Variants in ARHGAP42 observed in about 807,000 individuals in gnomAD.
ARHGAP42 encodes the protein rho GTPase-activating protein 42.
ARHGAP42 carries 63 observed loss-of-function variants against 125.0 expected under a neutral mutation model. The observed-to-expected ratio is 0.50, with a 90% confidence interval of 0.41 to 0.62. ARHGAP42 has a LOEUF of 0.62. Ranked by LOEUF, ARHGAP42 falls within the 20% of genes least tolerant of loss-of-function variation. The pLI is 0.00. For missense variants in ARHGAP42, 766 were observed against 1,024.2 expected (o/e 0.75, Z 3.44); for synonymous variants, 339 against 351.0 (o/e 0.97, Z 0.38).
intron 1 of ARHGAP42, among the ~76,000 whole-genome samples, chr11:100,719,721 C>CA (rs1318705855): frequency 6.6e-6 from 1 of 152,026 alleles, no homozygotes; most frequent in Non-Finnish European, 1.5e-5. Context: ...AAATGAGCAG[C>CA]AAAAGGATAC....
At chr11:100,969,584 T>C (rs187496010) in intron 17 of ARHGAP42, among the ~76,000 whole-genome samples, 1 of 152,306 alleles carries the variant, frequency 6.6e-6, no homozygotes, top group Non-Finnish European at 1.5e-5. Context: ...ATAGTCTCTA[T>C]TGATACTTTT....
chr11:100,909,222 G>C (rs1157939861), intron 4 of ARHGAP42, among the ~76,000 whole-genome samples: 1 of 151,838 alleles, frequency 6.6e-6, no homozygotes, highest in Non-Finnish European at 1.5e-5. Context: ...CTGTTCAGAA[G>C]CTTTTTAGTT....
chr11:100,929,488 C>G (rs4753987), intron 6 of ARHGAP42, among the ~76,000 whole-genome samples: 134,280 of 152,174 alleles, frequency 0.88, 59,332 homozygotes, highest in East Asian at 1. Flanking sequence ...CACCATCTGA[C>G]GAACTACCAA....
chr11:100,839,514 G>T (rs1204550816), intron 3 of ARHGAP42: 1 of 152,178 alleles, frequency 6.6e-6, no homozygotes, highest in Admixed American at 6.5e-5. Flanking sequence ...GAATAAGTCC[G>T]GAGATGGAGT....
At chr11:100,934,813 T>C (rs1182882696) in intron 7 of ARHGAP42, among the ~76,000 whole-genome samples, 3 of 152,226 alleles carry the variant, frequency 2.0e-5, no homozygotes, top group African/African-American at 7.2e-5. Context: ...ATAAGAAATA[T>C]GTAAGGGGAT....
chr11:100,979,696 T>G lies in ARHGAP42; in HGVS notation c.2456+647T>G, dbSNP rs145698410. 4.5e-3 allele frequency among the ~76,000 whole-genome samples: 472 copies of G among 104,074 alleles called. 1 individual carries two copies. The highest frequency in any genetic ancestry group is 7.1e-3 in the Non-Finnish European group (353 of 49,954). 68.3% of individuals were successfully genotyped at this position (104,074 alleles called of 152,430 possible). On this transcript the variant is annotated intron_variant, in intron 22 of 23. Transcript: ENST00000298815. The stretch of plus-strand genomic sequence containing the variant: ...GGAATTTCATAAAGTCAGAGGCTTT[T>G]CATTATTTTTTTTTTTTACTATCAG...
At chr11:100,936,098 T>G in intron 7 of ARHGAP42, 105 bp from the exon 8 acceptor site, 1 of 1,332,838 alleles carries the variant, frequency 7.5e-7, no homozygotes, top group Non-Finnish European at 1.0e-6. Context: ...GACAGAGTGA[T>G]ACTCTGTCTC....
intron 1 of ARHGAP42, among the ~76,000 whole-genome samples, chr11:100,728,294 TGA>T (rs1861896113): frequency 6.6e-6 from 1 of 152,168 alleles, no homozygotes; most frequent in Non-Finnish European, 1.5e-5. Context: ...GGGGTGGGAT[TGA>T]AGCAGCCTAC....
intron 4 of ARHGAP42, among the ~76,000 whole-genome samples, chr11:100,899,454 C>G (rs1271679776): frequency 6.6e-6 from 1 of 152,074 alleles, no homozygotes; most frequent in Non-Finnish European, 1.5e-5. Context: ...TTAAAATCTC[C>G]CATTATTTTT....
At chr11:100,985,750 A>G (rs1401359215) in intron 22 of ARHGAP42, among the ~76,000 whole-genome samples, 6 of 152,210 alleles carry the variant, frequency 3.9e-5, no homozygotes, top group Admixed American at 2.0e-4. Context: ...ACCTCTGATG[A>G]AAAGACTGGA....
At chr11:100,828,092 A>G (rs924098752) in intron 3 of ARHGAP42, among the ~76,000 whole-genome samples, 1 of 152,202 alleles carries the variant, frequency 6.6e-6, no homozygotes, top group Non-Finnish European at 1.5e-5. Flanking sequence ...ATGGCTCTTA[A>G]CATTCCAGGG....
intron 6 of ARHGAP42, among the ~76,000 whole-genome samples, chr11:100,922,378 G>A (rs546906507): frequency 1.3e-5 from 2 of 152,032 alleles, no homozygotes; most frequent in African/African-American, 2.4e-5. Context: ...TCATTTTTTA[G>A]CATTTTTTTC....
intron 5 of ARHGAP42, among the ~76,000 whole-genome samples, chr11:100,915,798 T>C (rs960310862): frequency 1.4e-4 from 21 of 152,198 alleles, no homozygotes; most frequent in Non-Finnish European, 5.9e-5. Flanking sequence ...TAACAAATTT[T>C]GTTAAAGTAG....
At chr11:100,874,680 G>A (rs190088726) in intron 4 of ARHGAP42, among the ~76,000 whole-genome samples, 237 of 152,256 alleles carry the variant, frequency 1.6e-3, no homozygotes, top group African/African-American at 5.5e-3. Context: ...CCTTGATTCT[G>A]CAGCTTCTGG....
At chr11:100,786,487 A>C (rs996557305) in intron 2 of ARHGAP42, among the ~76,000 whole-genome samples, 1 of 152,140 alleles carries the variant, frequency 6.6e-6, no homozygotes, top group Non-Finnish European at 1.5e-5. Context: ...TATTTGCCAA[A>C]ATTTGGCCTT....
chr11:100,879,085 T>A (rs1012477603), intron 4 of ARHGAP42, among the ~76,000 whole-genome samples: 1 of 151,840 alleles, frequency 6.6e-6, no homozygotes, highest in African/African-American at 2.4e-5. Context: ...CTCAAAAAAA[T>A]ATGGTCTGGG....
intron 3 of ARHGAP42, among the ~76,000 whole-genome samples, chr11:100,844,158 A>G (rs1343469164): frequency 6.6e-6 from 1 of 152,138 alleles, no homozygotes; most frequent in Non-Finnish European, 1.5e-5. Context: ...ACTTACAGCC[A>G]ACTGATCTTT....
intron 3 of ARHGAP42, among the ~76,000 whole-genome samples, chr11:100,797,260 G>A (rs552965146): frequency 2.6e-5 from 4 of 152,348 alleles, no homozygotes; most frequent in Admixed American, 1.3e-4. Flanking sequence ...TGAGATCGTA[G>A]ATGAAGGTGG....
At chr11:100,957,638 A>G (rs1346210583) in intron 12 of ARHGAP42, among the ~76,000 whole-genome samples, 3 of 152,086 alleles carry the variant, frequency 2.0e-5, no homozygotes, top group Non-Finnish European at 2.9e-5. Flanking sequence ...ATATTCTTCC[A>G]CATCTCTGAA....
Sources: allele counts gnomAD v4.1 joint callset (sites outside exome capture counted in the v4.1 genomes callset), GRCh38; gene constraint gnomAD v4.1.1; transcripts MANE v1.5; gene names NCBI Gene and HGNC (gene_info 2026-07-23, HGNC 2026-07-21).